The following PKNOX2 variants were observed in gnomAD, a reference collection of about 807,000 sequenced individuals.
PKNOX2 encodes homeobox protein PKNOX2.
Under a neutral mutation model 53.1 loss-of-function variants are expected in PKNOX2, and 14 were observed. That is an observed-to-expected ratio of 0.26 (90% CI 0.17 to 0.41). The LOEUF (loss-of-function observed/expected upper bound fraction) is 0.41, where lower values mean the gene tolerates loss of function less well. Among genes scored for constraint, PKNOX2 ranks in the 10% least tolerant of loss-of-function variants. The pLI is 1.00. For missense variants in PKNOX2, 496 were observed against 602.8 expected (o/e 0.82, Z 1.85); for synonymous variants, 257 against 242.8 (o/e 1.06, Z -0.54).
chr11:125,431,240 G>A lies in PKNOX2; in HGVS notation c.1267G>A (p.Ala423Thr), dbSNP rs777027297. Reference protein sequence around the residue: ...ATMAMQQAMMAAHDDSLDGTE... With the variant: ...ATMAMQQAMMTAHDDSLDGTE... ...CATGGCCATGCAGCAGGCTATGATG[G>A]CTGCACACGATGACTCATTGGATGG... Residue 423 changes from alanine to threonine, a missense_variant, in exon 13 of 13, where the codon GCT becomes ACT. This residue lies in a region of PKNOX2 where 139 missense variants were observed against 161.3 expected (regional missense o/e 0.86). Transcript: ENST00000298282. The A allele has an allele frequency of 1.2e-6, 2 of 1,613,802 alleles. No individual in the cohort carries two copies. The highest frequency in any genetic ancestry group is 3.3e-5 in the Admixed American group (2 of 60,012).
At chr11:125,176,175 G>A (rs924845531) in intron 1 of PKNOX2, among the ~76,000 whole-genome samples, 8 of 152,194 alleles carry the variant, frequency 5.3e-5, no homozygotes, top group Admixed American at 3.3e-4. Flanking sequence ...CAAAGTGCTC[G>A]TGGTTGTTCT....
rs553618911 is a variant in PKNOX2 at position 125,270,507 on chromosome 11, C to T, written c.-130+35392C>T. On this transcript the variant is annotated intron_variant, in intron 2 of 12. Coordinates refer to ENST00000298282, the MANE Select transcript of PKNOX2 (RefSeq NM_001382323.2). ...TTGAATATCTTCTGTAATTGTCCCA[C>T]GCCTGGCGCCATTCAGTGTGTGTTC... Among the ~76,000 whole-genome samples, 14 of 152,338 alleles carry T rather than the reference C, an allele frequency of 9.2e-5. No individual in the cohort carries two copies. In the South Asian group the frequency reaches 1.2e-3, roughly 14 times the overall value.
chr11:125,361,504 C>T (rs951460664), intron 4 of PKNOX2, among the ~76,000 whole-genome samples: 2 of 152,168 alleles, frequency 1.3e-5, no homozygotes, highest in African/African-American at 2.4e-5. Context: ...CTGAAACCCA[C>T]GCTTCTGCTC....
intron 1 of PKNOX2, among the ~76,000 whole-genome samples, chr11:125,224,801 T>C (rs1269999203): frequency 6.6e-6 from 1 of 152,212 alleles, no homozygotes; most frequent in Non-Finnish European, 1.5e-5. Flanking sequence ...CGTACACATC[T>C]GTCTAACCTC....
intron 2 of PKNOX2, among the ~76,000 whole-genome samples, chr11:125,248,921 ATATAATATACATTATATAACG>A (rs969150877): frequency 1.6e-5 from 2 of 124,486 alleles, no homozygotes; most frequent in African/African-American, 6.1e-5. Flanking sequence ...TATATAACAT[ATATAATATACATTATATAACG>A]TATATACATG....
At chr11:125,197,671 AAC>A (rs1937894935) in intron 1 of PKNOX2, among the ~76,000 whole-genome samples, 2 of 152,048 alleles carry the variant, frequency 1.3e-5, no homozygotes, top group Admixed American at 6.5e-5. Flanking sequence ...CAACAACAAC[AAC>A]AAAAAAACAC....
intron 5 of PKNOX2, among the ~76,000 whole-genome samples, chr11:125,385,263 A>T (rs1370453949): frequency 2.0e-5 from 3 of 152,196 alleles, no homozygotes; most frequent in Non-Finnish European, 4.4e-5. Flanking sequence ...ATAATCCATC[A>T]TCCCTCCCCA....
rs767925362 is a variant in PKNOX2, at chr11:125,385,620, C to T, written c.297C>T (p.Cys99=). The change falls in exon 6 of 13, where the codon TGC becomes TGT. Residue 99 remains cysteine, a synonymous_variant. Coordinates refer to ENST00000298282, the MANE Select transcript of PKNOX2 (RefSeq NM_001382323.2). ...AACAGGCCACCCAGGGCTCTGAGTGCATCACCTCCGCCAGCTTTGATGTGG... is the reference window on the plus strand; with the variant it reads ...AACAGGCCACCCAGGGCTCTGAGTGTATCACCTCCGCCAGCTTTGATGTGG... ...KCEQATQGSE[C]ITSASFDVDI... is the part of the protein sequence containing the mutation. The T allele has an allele frequency of 2.4e-5, 38 of 1,613,666 alleles. No individual in the cohort carries two copies. Among genetic ancestry groups the T allele is most frequent in the Non-Finnish European group, 3.1e-5 (36 of 1,179,922 alleles).
chr11:125,385,420 G>A (rs1379794095), intron 5 of PKNOX2, 131 bp from the exon 6 acceptor site: 7 of 1,014,926 alleles, frequency 6.9e-6, no homozygotes, highest in Non-Finnish European at 9.9e-6. Flanking sequence ...TAGGGACTGG[G>A]GATGTTATCA....
intron 1 of PKNOX2, among the ~76,000 whole-genome samples, chr11:125,189,445 G>GTA (rs1956715874): frequency 2.6e-3 from 134 of 50,568 alleles, no homozygotes; most frequent in Non-Finnish European, 3.5e-3. Context: ...GTGTGTGTGT[G>GTA]TGTATATATA....
At chr11:125,379,055 C>CTTTT (rs35310311) in intron 5 of PKNOX2, among the ~76,000 whole-genome samples, 8 of 124,444 alleles carry the variant, frequency 6.4e-5, no homozygotes, top group Non-Finnish European at 6.7e-5. Flanking sequence ...TTTTCTTTCT[C>CTTTT]TTTTTTTTTT....
At chr11:125,266,674 C>T (rs1382032246) in intron 2 of PKNOX2, 1 of 152,228 alleles carries the variant, frequency 6.6e-6, no homozygotes, top group Non-Finnish European at 1.5e-5. Flanking sequence ...CCTCGATAGG[C>T]CCTGCCACCA....
chr11:125,377,428 G>T (rs1030623958), intron 5 of PKNOX2, among the ~76,000 whole-genome samples: 2 of 152,206 alleles, frequency 1.3e-5, no homozygotes, highest in Admixed American at 6.5e-5. Context: ...TGCTGAGGTC[G>T]TTGGAGGGGA....
intron 2 of PKNOX2, among the ~76,000 whole-genome samples, chr11:125,275,585 A>G (rs1201652254): frequency 6.6e-6 from 1 of 152,086 alleles, no homozygotes; most frequent in Non-Finnish European, 1.5e-5. Flanking sequence ...GGCAGTGGAG[A>G]TGGAGCAGAG....
At chr11:125,238,108 C>T (rs943124331) in intron 2 of PKNOX2, among the ~76,000 whole-genome samples, 2 of 152,144 alleles carry the variant, frequency 1.3e-5, no homozygotes, top group African/African-American at 4.8e-5. Flanking sequence ...GACCCGGATG[C>T]AGCTAAATCC....
intron 1 of PKNOX2, among the ~76,000 whole-genome samples, chr11:125,209,528 G>T (rs1168239693): frequency 1.3e-5 from 2 of 152,002 alleles, no homozygotes; most frequent in South Asian, 2.1e-4. Context: ...GAAGAGGAAG[G>T]TTAAAGACAT....
At position 125,370,433 on chromosome 11, in the gene PKNOX2, A is replaced by G. The variant is rs568920368; in HGVS notation, c.227+2448A>G. 2.6e-5 allele frequency among the ~76,000 whole-genome samples: 4 copies of G among 152,286 alleles called. No individual in the cohort carries two copies. In the South Asian group the frequency reaches 8.3e-4, roughly 32 times the overall value. ...TGAAGAATGGCCTAGACCTTTCTGCAATTAACACTTCTTCCTACTCCCCTT... is the reference window on the plus strand; with the variant it reads ...TGAAGAATGGCCTAGACCTTTCTGCGATTAACACTTCTTCCTACTCCCCTT... On this transcript the variant is annotated intron_variant, in intron 5 of 12. Coordinates refer to ENST00000298282, the MANE Select transcript of PKNOX2 (RefSeq NM_001382323.2). The surrounding 1 kb of genome is among the most constrained non-coding windows in gnomAD (Gnocchi z 4.1).
chr11:125,374,547 C>T (rs1952729691), intron 5 of PKNOX2, among the ~76,000 whole-genome samples: 1 of 152,220 alleles, frequency 6.6e-6, no homozygotes, highest in Non-Finnish European at 1.5e-5. Context: ...TCTATGGCAT[C>T]ATAAGGCCTC....
At chr11:125,243,497 T>A (rs536372913) in intron 2 of PKNOX2, among the ~76,000 whole-genome samples, 10 of 152,348 alleles carry the variant, frequency 6.6e-5, no homozygotes, top group African/African-American at 2.4e-4. Context: ...CTGCCAAAGA[T>A]GCTTTTCGCT....
Sources: gnomAD v4.1 joint callset for allele counts (sites outside exome capture counted in the v4.1 genomes callset) on GRCh38, gnomAD v4.1.1 for gene constraint, gnomAD v4.1.1 regional missense constraint, Gnocchi (gnomAD v3.1) non-coding constraint, MANE v1.5 for transcripts, NCBI Gene and HGNC (gene_info 2026-07-23, HGNC 2026-07-21) for gene names.